Variants in MCPH1 observed in about 807,000 individuals in gnomAD.
MCPH1 encodes the protein microcephalin.
A neutral mutation model predicts 84.5 loss-of-function variants in MCPH1; 104 were observed. The ratio of observed to expected loss-of-function variants is 1.23; its 90% CI spans 1.05 to 1.45. MCPH1 has a LOEUF of 1.45. Ranked by LOEUF, MCPH1 falls within the 40% of genes most tolerant of loss-of-function variation. The probability of loss-of-function intolerance (pLI) is 0.00; values close to 1 mark genes in which losing one functional copy is unlikely to be tolerated. For missense variants in MCPH1, 1,498 were observed against 1,005.7 expected (o/e 1.49, Z -6.62); for synonymous variants, 514 against 366.8 (o/e 1.40, Z -4.58).
chr8:6,647,791 T>G lies in MCPH1; in HGVS notation c.*4742T>G, dbSNP rs1335916498. The G allele has an allele frequency of 1.3e-5, 2 of 152,242 alleles. No homozygotes were observed. The highest frequency in any genetic ancestry group is 6.5e-5 in the Admixed American group (1 of 15,288). 9.4% of individuals were successfully genotyped at this position (152,242 alleles called of 1,614,324 possible). On this transcript the variant is annotated 3_prime_UTR_variant, in exon 14 of 14. Transcript: ENST00000344683. ...GGAACAGAGAGCAAACATTTTGGGA[T>G]GATGGAAACATTCTAAAACTGGATT...
intron 11 of MCPH1, among the ~76,000 whole-genome samples, chr8:6,496,525 G>GT (rs1554510502): frequency 8.0e-6 from 1 of 125,524 alleles, no homozygotes; most frequent in Non-Finnish European, 1.6e-5. Context: ...AAGCCCCCCC[G>GT]CCCCCCTTCC....
chr8:6,530,673 A>G (rs1819321222), intron 12 of MCPH1, among the ~76,000 whole-genome samples: 1 of 152,112 alleles, frequency 6.6e-6, no homozygotes, highest in African/African-American at 2.4e-5. Flanking sequence ...GTTATGTAAA[A>G]TATTTATGTA....
At chr8:6,419,073 A>G (rs1464838387) in intron 3 of MCPH1, among the ~76,000 whole-genome samples, 1 of 151,672 alleles carries the variant, frequency 6.6e-6, no homozygotes, top group African/African-American at 2.4e-5. Context: ...GGGCCTGCTT[A>G]GCTATCTTTT....
rs1401397517 is a variant in MCPH1, at chr8:6,461,320, TGA to T, written c.1935+6071_1935+6072del. 2.3e-5 allele frequency among the ~76,000 whole-genome samples: 3 copies of T among 128,738 alleles called. No homozygotes were observed. In the Admixed American group the frequency reaches 3.1e-4, roughly 13 times the overall value. 84.5% of individuals were successfully genotyped at this position (128,738 alleles called of 152,430 possible). On this transcript the variant is annotated intron_variant, in intron 9 of 13. Coordinates refer to ENST00000344683, the MANE Select transcript of MCPH1 (RefSeq NM_024596.5). Reference sequence around the variant, plus strand: ...TTAAATATACTTGTTTCAAATTTGTTGAGACTTTTTTTTTTTTTTTTTTGAGA... The same window carrying T: ...TTAAATATACTTGTTTCAAATTTGTTGACTTTTTTTTTTTTTTTTTTGAGA...
rs572900147 is a variant in MCPH1, at chr8:6,486,812, G to C, written c.2136+5936G>C. On this transcript the variant is annotated intron_variant, in intron 11 of 13. Coordinates refer to ENST00000344683, the MANE Select transcript of MCPH1 (RefSeq NM_024596.5). ...AAATAAAGAAATTAATTTGACCAAA[G>C]TGTCCCTTTAGACTCACATTGTTTT... is the stretch of plus-strand genomic sequence containing the variant. Among the ~76,000 whole-genome samples the C allele has an allele frequency of 2.0e-5, 3 of 152,316 alleles. 1 individual carries two copies. The highest frequency in any genetic ancestry group is 7.2e-5 in the African/African-American group (3 of 41,560).
chr8:6,425,299 G>C (rs1384243216), intron 3 of MCPH1, among the ~76,000 whole-genome samples: 1 of 152,200 alleles, frequency 6.6e-6, no homozygotes, highest in Non-Finnish European at 1.5e-5. Context: ...CCACTAGATG[G>C]TGGGATAATG....
intron 8 of MCPH1, chr8:6,447,310 T>A: frequency 1.0e-6 from 1 of 985,338 alleles, no homozygotes; most frequent in Non-Finnish European, 1.2e-6. Context: ...GGATGCACAC[T>A]CTATATCTGG....
intron 13 of MCPH1, among the ~76,000 whole-genome samples, chr8:6,641,706 T>G (rs1004946677): frequency 1.3e-5 from 2 of 152,224 alleles, no homozygotes; most frequent in Admixed American, 1.3e-4. Context: ...TTTGCACCAA[T>G]GCAGTCTAAC....
chr8:6,530,508 C>CAA (rs55729820), intron 12 of MCPH1, among the ~76,000 whole-genome samples: 71 of 97,868 alleles, frequency 7.3e-4, no homozygotes, highest in East Asian at 2.0e-3. Flanking sequence ...GACTCTGTCT[C>CAA]AAAAAAAAAA....
chr8:6,623,688 C>CAAAAAAAAAAA lies in MCPH1; in HGVS notation c.2452+2017_2452+2027dup, dbSNP rs377522481. 6.3e-4 allele frequency among the ~76,000 whole-genome samples: 58 copies of CAAAAAAAAAAA among 92,422 alleles called. 10 individuals are homozygous for CAAAAAAAAAAA. The highest frequency in any genetic ancestry group is 2.3e-3 in the African/African-American group (50 of 21,788). 60.6% of individuals were successfully genotyped at this position (92,422 alleles called of 152,430 possible). On this transcript the variant is annotated intron_variant, in intron 13 of 13. Transcript: ENST00000344683. The stretch of plus-strand genomic sequence containing the variant: ...CATCTTTTGCCTGGAAACCAACTTC[C>CAAAAAAAAAAA]AAAAAAAAAAAAAAAAAAAAAAAAA...
intron 9 of MCPH1, among the ~76,000 whole-genome samples, chr8:6,463,413 T>A (rs1420717787): frequency 6.6e-6 from 1 of 152,206 alleles, no homozygotes; most frequent in African/African-American, 2.4e-5. Context: ...TAGATTGAGT[T>A]TTCTATTTCT....
At chr8:6,455,343 T>C in intron 9 of MCPH1, 91 bp downstream of exon 9, 1 of 930,476 alleles carries the variant, frequency 1.1e-6, no homozygotes, top group African/African-American at 1.6e-5. Context: ...CCAGTCTATC[T>C]GACTTGTCTT....
chr8:6,572,856 C>T (rs762447538), intron 12 of MCPH1, among the ~76,000 whole-genome samples: 5 of 152,238 alleles, frequency 3.3e-5, no homozygotes, highest in East Asian at 1.9e-4. Flanking sequence ...AGCCCCCACA[C>T]GGGAAGCCTC....
chr8:6,411,805 G>A (rs1025512143), intron 2 of MCPH1, among the ~76,000 whole-genome samples: 1 of 152,142 alleles, frequency 6.6e-6, no homozygotes, highest in Non-Finnish European at 1.5e-5. Context: ...CAGGATTCAG[G>A]CATCCACTGG....
intron 13 of MCPH1, chr8:6,625,297 C>T (rs933510942): frequency 2.0e-6 from 2 of 985,362 alleles, no homozygotes; most frequent in African/African-American, 1.7e-5. Flanking sequence ...TGCCCTGTGG[C>T]AGGCGTAGGC....
chr8:6,587,003 G>A (rs967501595), intron 12 of MCPH1, among the ~76,000 whole-genome samples: 7 of 151,912 alleles, frequency 4.6e-5, no homozygotes, highest in South Asian at 2.1e-4. Context: ...CAGTTTCCTC[G>A]GCTTACCACC....
chr8:6,602,473 G>A (rs1829449205), intron 12 of MCPH1, among the ~76,000 whole-genome samples: 1 of 152,106 alleles, frequency 6.6e-6, no homozygotes, highest in Admixed American at 6.5e-5. Context: ...GCCTCTCTGG[G>A]GAGAATCTGG....
intron 12 of MCPH1, among the ~76,000 whole-genome samples, chr8:6,509,462 G>A (rs1039027582): frequency 3.9e-5 from 6 of 152,276 alleles, no homozygotes; most frequent in East Asian, 1.9e-4. Flanking sequence ...ATTATTTTCC[G>A]CAGGGGGCCC....
chr8:6,564,141 C>T (rs1229693610), intron 12 of MCPH1, among the ~76,000 whole-genome samples: 1 of 152,016 alleles, frequency 6.6e-6, no homozygotes, highest in African/African-American at 2.4e-5. Flanking sequence ...GCCACCACAC[C>T]CGGCTAATTT....
Sources: gnomAD v4.1 joint callset for allele counts (sites outside exome capture counted in the v4.1 genomes callset) on GRCh38, gnomAD v4.1.1 for gene constraint, MANE v1.5 for transcripts, NCBI Gene and HGNC (gene_info 2026-07-23, HGNC 2026-07-21) for gene names.